Variants in VPS13B observed in about 807,000 individuals in gnomAD.
The protein encoded by VPS13B is intermembrane lipid transfer protein VPS13B.
VPS13B carries 285 observed loss-of-function variants against 426.4 expected under a neutral mutation model. The observed-to-expected ratio is 0.67, with a 90% CI of 0.61 to 0.74. The LOEUF (loss-of-function observed/expected upper bound fraction) is 0.74. Among genes scored for constraint, VPS13B ranks in the 30% least tolerant of loss-of-function variants. The pLI, the probability that VPS13B is intolerant of heterozygous loss-of-function variation, is 0.00. For missense variants in VPS13B, 4,537 were observed against 4,782.6 expected, an observed-to-expected ratio of 0.95 and a Z score of 1.51; for synonymous variants, 1,676 against 1,676.4, an observed-to-expected ratio of 1.00 and a Z score of 0.01.
intron 29 of VPS13B, among the ~76,000 whole-genome samples, chr8:99,516,787 C>CAA (rs528490868): frequency 0.057 from 958 of 16,670 alleles, 324 homozygotes; most frequent in Middle Eastern, 0.2. Context: ...GACCGTGTCT[C>CAA]AAAAAAAAAA....
intron 21 of VPS13B, among the ~76,000 whole-genome samples, chr8:99,409,582 AT>A (rs762629572): frequency 6.6e-6 from 1 of 152,210 alleles, no homozygotes; most frequent in Non-Finnish European, 1.5e-5. Flanking sequence ...TTACCAAAAA[AT>A]AATCAAATTT....
intron 35 of VPS13B, chr8:99,697,476 G>T: frequency 1.4e-6 from 1 of 735,034 alleles, no homozygotes; most frequent in Admixed American, 1.9e-5. Context: ...AGCGATGCCT[G>T]CTCTAAGCTG....
chr8:99,580,368 T>C (rs1825991088), intron 33 of VPS13B, among the ~76,000 whole-genome samples: 1 of 150,532 alleles, frequency 6.6e-6, no homozygotes, highest in East Asian at 1.9e-4. Context: ...TCTTTTCTTT[T>C]GTTTAGTAGA....
intron 21 of VPS13B, among the ~76,000 whole-genome samples, chr8:99,428,452 C>G (rs1254606353): frequency 6.7e-6 from 1 of 148,824 alleles, no homozygotes; most frequent in Non-Finnish European, 1.5e-5. Context: ...AAAAAAACAA[C>G]CCCATCAAAA....
intron 22 of VPS13B, among the ~76,000 whole-genome samples, chr8:99,433,715 G>GA (rs911758690): frequency 6.6e-6 from 1 of 152,126 alleles, no homozygotes; most frequent in East Asian, 1.9e-4. Context: ...ACTGAATATT[G>GA]AAAAAAATAG....
At chr8:99,110,473 A>G (rs1349318069) in intron 5 of VPS13B, among the ~76,000 whole-genome samples, 4 of 152,118 alleles carry the variant, frequency 2.6e-5, no homozygotes, top group African/African-American at 9.7e-5. Flanking sequence ...GGTGTCCACT[A>G]GACCTTTCTG....
chr8:99,648,880 C>A (rs990002496), intron 34 of VPS13B, among the ~76,000 whole-genome samples: 4 of 152,040 alleles, frequency 2.6e-5, no homozygotes, highest in African/African-American at 9.7e-5. Flanking sequence ...GCATTAGGAA[C>A]CTCCTTTTGC....
Position 99,452,109 on chromosome 8 carries a change from T to C in VPS13B, c.3445+9474T>C, listed in dbSNP as rs560603940. 4.6e-5 allele frequency among the ~76,000 whole-genome samples: 7 copies of C among 152,262 alleles called. No homozygotes were observed. The East Asian group carries it at 1.4e-3, about 29-fold the overall frequency. ...GAATTGGCCCTGCCCACCTCTCCAG[T>C]TGTATTTTCTGCTACACTCCCTGCT... On this transcript the variant is annotated intron_variant, in intron 23 of 61. Coordinates refer to ENST00000357162, the MANE Select transcript of VPS13B (RefSeq NM_152564.5).
intron 33 of VPS13B, among the ~76,000 whole-genome samples, chr8:99,635,910 G>A (rs996926460): frequency 2.6e-5 from 4 of 151,960 alleles, no homozygotes; most frequent in Admixed American, 2.6e-4. Flanking sequence ...AAACTCCAGA[G>A]TGAGCTGGTA....
chr8:99,212,455 G>T lies in VPS13B; in HGVS notation c.2515+19398G>T, dbSNP rs77987968. On this transcript the variant is annotated intron_variant, in intron 17 of 61. Coordinates refer to ENST00000357162, the MANE Select transcript of VPS13B (RefSeq NM_152564.5). Reference sequence around the variant, plus strand: ...CTTGGAAAGTGTGCTGTGAGCCTATGAGATCTGCAACTGTTGCAATCATTG... The same window carrying T: ...CTTGGAAAGTGTGCTGTGAGCCTATTAGATCTGCAACTGTTGCAATCATTG... 3.5e-3 allele frequency among the ~76,000 whole-genome samples: 534 copies of T among 152,282 alleles called. 5 individuals carry two copies. Among genetic ancestry groups the T allele is most frequent in the African/African-American group, 0.012 (511 of 41,550 alleles).
intron 3 of VPS13B, among the ~76,000 whole-genome samples, chr8:99,041,216 A>G (rs943557986): frequency 1.3e-5 from 2 of 152,228 alleles, no homozygotes; most frequent in Non-Finnish European, 2.9e-5. Flanking sequence ...CTCATGAAAT[A>G]GTTGTTAATG....
rs531915947 is a variant in VPS13B at position 99,084,530 on chromosome 8, T to C, written c.292-11782T>C. On this transcript the variant is annotated intron_variant, in intron 3 of 61. Coordinates refer to ENST00000357162, the MANE Select transcript of VPS13B (RefSeq NM_152564.5). The stretch of plus-strand genomic sequence containing the variant: ...GTGTTTGCTCTTGCTTCTCTAGTTC[T>C]TTTAATTGTGATGTTAGGGTGTCAA... 9.2e-5 allele frequency among the ~76,000 whole-genome samples: 14 copies of C among 152,358 alleles called. No individual in the cohort carries two copies. The East Asian group carries it at 2.7e-3, about 29-fold the overall frequency.
chr8:99,313,316 TTGA>T (rs1443352689), intron 19 of VPS13B, among the ~76,000 whole-genome samples: 1 of 152,186 alleles, frequency 6.6e-6, no homozygotes, highest in Non-Finnish European at 1.5e-5. Context: ...CCTTTGGTCT[TTGA>T]TGATGGTGAT....
chr8:99,744,133 A>G (rs891060013), intron 39 of VPS13B, among the ~76,000 whole-genome samples: 1 of 152,236 alleles, frequency 6.6e-6, no homozygotes, highest in Non-Finnish European at 1.5e-5. Context: ...TTACAAGAAA[A>G]AAAACCCATC....
At chr8:99,241,119 C>T (rs1234345927) in intron 17 of VPS13B, 2 of 152,172 alleles carry the variant, frequency 1.3e-5, no homozygotes, top group African/African-American at 4.8e-5. Flanking sequence ...TGTAAAACTG[C>T]CAACTGATTT....
chr8:99,286,560 G>A (rs117189182), intron 19 of VPS13B, among the ~76,000 whole-genome samples: 37 of 152,188 alleles, frequency 2.4e-4, no homozygotes, highest in Admixed American at 1.3e-3. Context: ...CAGAATTTGC[G>A]TACCTTCAGT....
chr8:99,671,571 T>C (rs533651012), intron 35 of VPS13B, among the ~76,000 whole-genome samples: 13 of 152,296 alleles, frequency 8.5e-5, no homozygotes, highest in African/African-American at 2.9e-4. Context: ...GCTTTTCCCC[T>C]GTGTTTTCTT....
intron 31 of VPS13B, among the ~76,000 whole-genome samples, chr8:99,558,340 A>G (rs989780568): frequency 3.3e-5 from 5 of 152,180 alleles, no homozygotes; most frequent in Admixed American, 6.6e-5. Flanking sequence ...TGTAACTGTC[A>G]TAACCCACCC....
chr8:99,250,621 CTGTT>C (rs1278312397), intron 17 of VPS13B, among the ~76,000 whole-genome samples: 6 of 123,194 alleles, frequency 4.9e-5, no homozygotes, highest in East Asian at 2.5e-4. Context: ...ATTTTTGTCT[CTGTT>C]TGGGTTCTTC....
Sources: gnomAD v4.1 joint callset for allele counts (sites outside exome capture counted in the v4.1 genomes callset) on GRCh38, gnomAD v4.1.1 for gene constraint, MANE v1.5 for transcripts, NCBI Gene and HGNC (gene_info 2026-07-23, HGNC 2026-07-21) for gene names.